AP4S1: variants seen among roughly 807,000 people sequenced by gnomAD.
The protein encoded by AP4S1 is AP-4 complex subunit sigma-1.
Under a neutral mutation model 19.8 loss-of-function variants are expected in AP4S1, and 23 were observed. That is an observed-to-expected ratio of 1.16 (90% CI 0.84 to 1.65). AP4S1 has a LOEUF of 1.65. Among genes scored for constraint, AP4S1 ranks in the 40% most tolerant of loss-of-function variants. The probability of loss-of-function intolerance (pLI) is 0.00; values close to 1 mark genes in which losing one functional copy is unlikely to be tolerated. For missense variants in AP4S1, 166 were observed against 172.8 expected, an observed-to-expected ratio of 0.96 and a Z score of 0.22; for synonymous variants, 46 against 54.1, an observed-to-expected ratio of 0.85 and a Z score of 0.66.
At chr14:31,033,062 T>C (rs1884500353) in intron 1 of AP4S1, 1 of 152,240 alleles carries the variant, frequency 6.6e-6, no homozygotes, top group African/African-American at 2.4e-5. Context: ...TATGTGTATT[T>C]GGAAACTAGA....
chr14:31,035,897 A>AT (rs1382519611), intron 1 of AP4S1, among the ~76,000 whole-genome samples: 2 of 151,666 alleles, frequency 1.3e-5, no homozygotes, highest in East Asian at 2.0e-4. Flanking sequence ...GGCCCGGCTA[A>AT]TTTTTTGTAT....
intron 1 of AP4S1, among the ~76,000 whole-genome samples, chr14:31,048,146 T>A (rs996838916): frequency 8.6e-5 from 13 of 150,926 alleles, no homozygotes; most frequent in Non-Finnish European, 4.4e-5. Context: ...CAGGCTGGAC[T>A]GCAGTGGCAT....
chr14:31,046,884 A>G (rs1029944160), intron 1 of AP4S1, among the ~76,000 whole-genome samples: 1 of 151,298 alleles, frequency 6.6e-6, no homozygotes, highest in Middle Eastern at 3.4e-3. Flanking sequence ...GAATTGCTGG[A>G]TAATATGGTA....
chr14:31,088,714 G>C (rs906802585), intron 5 of AP4S1, among the ~76,000 whole-genome samples: 1 of 151,300 alleles, frequency 6.6e-6, no homozygotes, highest in African/African-American at 2.4e-5. Flanking sequence ...AGGCTGAGGC[G>C]GGAGGATCGC....
At chr14:31,083,285 A>G (rs373589364) in intron 5 of AP4S1, among the ~76,000 whole-genome samples, 1 of 152,106 alleles carries the variant, frequency 6.6e-6, no homozygotes, top group East Asian at 1.9e-4. Flanking sequence ...CTTCTAACCA[A>G]GTTATATGTA....
intron 1 of AP4S1, chr14:31,026,156 G>A (rs1365088928): frequency 6.7e-7 from 1 of 1,486,814 alleles, no homozygotes; most frequent in Non-Finnish European, 8.9e-7. Context: ...TCCCCGGGCC[G>A]CCACCACCGC....
upstream of AP4S1, chr14:31,025,322 G>C (rs1883759143): frequency 6.4e-6 from 1 of 155,346 alleles, no homozygotes; most frequent in Non-Finnish European, 1.4e-5. Context: ...TAAAGTTGAC[G>C]ATGGGAAATA....
At chr14:31,034,469 G>C (rs1411450836) in intron 1 of AP4S1, among the ~76,000 whole-genome samples, 1 of 151,704 alleles carries the variant, frequency 6.6e-6, no homozygotes, top group Non-Finnish European at 1.5e-5. Flanking sequence ...GACTTTTTTT[G>C]GGGGGGAAAC....
chr14:31,073,122 T>G (rs1887105486), intron 4 of AP4S1, 149 bp downstream of exon 4: 1 of 710,726 alleles, frequency 1.4e-6, no homozygotes, highest in Admixed American at 2.1e-5. Context: ...TTCTTTATCT[T>G]TCCTTCTGGT....
chr14:31,086,796 A>C (rs1249017130), intron 5 of AP4S1, among the ~76,000 whole-genome samples: 1 of 152,172 alleles, frequency 6.6e-6, no homozygotes, highest in Non-Finnish European at 1.5e-5. Context: ...TAGGAGCCGG[A>C]TACTTTGGAG....
intron 4 of AP4S1, among the ~76,000 whole-genome samples, chr14:31,076,879 C>CT (rs1264285500): frequency 6.6e-6 from 1 of 152,172 alleles, no homozygotes; most frequent in East Asian, 1.9e-4. Context: ...ATAGGCCTTC[C>CT]TGAGCTTTAG....
chr14:31,025,749 A>G lies in AP4S1; in HGVS notation c.-110A>G, dbSNP rs1883826523. On this transcript the variant is annotated 5_prime_UTR_variant, in exon 1 of 6. Transcript: ENST00000542754. ...GGAAAGAGGGAGGGGGACTCCAGGA[A>G]AAGCCGTTGAGAGGACCATCACAAC... 2.9e-6 allele frequency: 3 copies of G among 1,038,912 alleles called. No individual in the cohort carries two copies. Among genetic ancestry groups the G allele is most frequent in the Non-Finnish European group, 2.7e-6 (2 of 740,972 alleles). The allele number at this position is 1,038,912 out of a possible 1,614,324, so 64.4% of individuals were successfully genotyped here.
chr14:31,074,550 C>T (rs1404971503), intron 4 of AP4S1, among the ~76,000 whole-genome samples: 1 of 151,712 alleles, frequency 6.6e-6, no homozygotes, highest in African/African-American at 2.4e-5. Flanking sequence ...GGCATGGTGG[C>T]GGGCGCCTGT....
At chr14:31,062,238 A>G (rs982067492) in intron 1 of AP4S1, among the ~76,000 whole-genome samples, 15 of 152,036 alleles carry the variant, frequency 9.9e-5, no homozygotes, top group Non-Finnish European at 2.1e-4. Context: ...AGCTGGGATT[A>G]CAGGCGCCCA....
chr14:31,057,174 G>A (rs763570268), intron 1 of AP4S1, among the ~76,000 whole-genome samples: 26 of 152,200 alleles, frequency 1.7e-4, no homozygotes, highest in Non-Finnish European at 2.6e-4. Context: ...GTATGAGTCA[G>A]GGGAGCAGAA....
chr14:31,046,123 A>G (rs1238277314), intron 1 of AP4S1, among the ~76,000 whole-genome samples: 3 of 151,668 alleles, frequency 2.0e-5, no homozygotes, highest in African/African-American at 2.4e-5. Flanking sequence ...ACGCCCAACT[A>G]ATTTTGTATT....
rs116479078 is a variant in AP4S1 at position 31,095,638 on chromosome 14, C to G, written c.*2603C>G. ...TTCACTATGTTGCCCAGACTGGTCT[C>G]GAATTCCTGCAGTCACATGATCCAT... On this transcript the variant is annotated 3_prime_UTR_variant, in exon 6 of 6. Transcript: ENST00000542754. The G allele has an allele frequency of 5.9e-5, 9 of 152,166 alleles. No homozygotes were observed. The highest frequency in any genetic ancestry group is 1.9e-4 in the African/African-American group (8 of 41,422). The allele number at this position is 152,166 out of a possible 1,614,324, so 9.4% of individuals were successfully genotyped here.
At chr14:31,081,181 C>T (rs1887620707) in intron 5 of AP4S1, among the ~76,000 whole-genome samples, 1 of 151,996 alleles carries the variant, frequency 6.6e-6, no homozygotes, top group South Asian at 2.1e-4. Flanking sequence ...TTCCTTTAAG[C>T]ATATGGAATA....
At chr14:31,087,108 C>A (rs928142223) in intron 5 of AP4S1, among the ~76,000 whole-genome samples, 3 of 152,168 alleles carry the variant, frequency 2.0e-5, no homozygotes, top group African/African-American at 4.8e-5. Context: ...CACTATGTTG[C>A]CTAGGCTGGT....
Sources: gnomAD v4.1 joint callset for allele counts (sites outside exome capture counted in the v4.1 genomes callset) on GRCh38, gnomAD v4.1.1 for gene constraint, MANE v1.5 for transcripts, NCBI Gene and HGNC (gene_info 2026-07-23, HGNC 2026-07-21) for gene names.